SCAPER: variants seen among roughly 807,000 people sequenced by gnomAD.
SCAPER encodes S phase cyclin A-associated protein in the endoplasmic reticulum.
A neutral mutation model predicts 182.2 loss-of-function variants in SCAPER; 98 were observed. That is an observed-to-expected ratio of 0.54 (90% confidence interval 0.46 to 0.64). The LOEUF is 0.64. SCAPER is among the 30% of genes least tolerant of loss of function. The pLI is 0.00. For synonymous variants in SCAPER, 605 were observed against 564.6 expected (o/e 1.07, Z -1.01); for missense variants, 1,432 against 1,690.0 (o/e 0.85, Z 2.68).
At chr15:76,706,785 T>C (rs2059284675) in intron 17 of SCAPER, among the ~76,000 whole-genome samples, 2 of 151,444 alleles carry the variant, frequency 1.3e-5, no homozygotes, top group South Asian at 4.2e-4. Flanking sequence ...TACATACCAC[T>C]CCCCTCATGT....
intron 23 of SCAPER, among the ~76,000 whole-genome samples, chr15:76,509,684 A>G (rs2041872377): frequency 6.6e-6 from 1 of 152,150 alleles, no homozygotes; most frequent in African/African-American, 2.4e-5. Flanking sequence ...ATTCCCATCA[A>G]AATGCTACCA....
At chr15:76,553,580 T>C (rs2045953311) in intron 23 of SCAPER, among the ~76,000 whole-genome samples, 1 of 152,102 alleles carries the variant, frequency 6.6e-6, no homozygotes, top group Admixed American at 6.5e-5. Flanking sequence ...CCCGATGGAA[T>C]ACTGGGGCCA....
intron 2 of SCAPER, among the ~76,000 whole-genome samples, chr15:76,871,007 C>G (rs1181728174): frequency 6.6e-6 from 1 of 152,070 alleles, no homozygotes; most frequent in African/African-American, 2.4e-5. Flanking sequence ...AAGAATAAAA[C>G]TGACAAGTGA....
At chr15:76,818,361 G>C in intron 5 of SCAPER, among the ~76,000 whole-genome samples, 1 of 152,130 alleles carries the variant, frequency 6.6e-6, no homozygotes, top group East Asian at 1.9e-4. Flanking sequence ...ATAACTTGCA[G>C]GGAAAAAACC....
At chr15:76,366,372 C>A (rs1355078060) in intron 29 of SCAPER, among the ~76,000 whole-genome samples, 2 of 152,150 alleles carry the variant, frequency 1.3e-5, no homozygotes, top group Non-Finnish European at 2.9e-5. Context: ...CTAATAGCTG[C>A]CAGACAGCAT....
At chr15:76,621,674 C>T in intron 22 of SCAPER, 90 bp downstream of exon 22, 1 of 1,044,062 alleles carries the variant, frequency 9.6e-7, no homozygotes, top group Non-Finnish European at 1.4e-6. Context: ...AATCAAAGAA[C>T]CTTATTACAG....
chr15:76,825,727 CAAG>C, intron 5 of SCAPER, among the ~76,000 whole-genome samples: 1 of 152,086 alleles, frequency 6.6e-6, no homozygotes, highest in African/African-American at 2.4e-5. Flanking sequence ...GTCTGGGCAC[CAAG>C]AAGATCTGTT....
chr15:76,864,701 T>C (rs2072138677), intron 2 of SCAPER, among the ~76,000 whole-genome samples: 1 of 152,176 alleles, frequency 6.6e-6, no homozygotes, highest in Non-Finnish European at 1.5e-5. Flanking sequence ...ATAATTTTTT[T>C]TTTTTTATTT....
At chr15:76,832,673 G>A (rs984199436) in intron 5 of SCAPER, among the ~76,000 whole-genome samples, 18 of 152,080 alleles carry the variant, frequency 1.2e-4, no homozygotes, top group Admixed American at 3.3e-4. Context: ...CTTTATGAAC[G>A]GCTTAGCACC....
chr15:76,564,060 T>C (rs929295987), intron 23 of SCAPER, among the ~76,000 whole-genome samples: 5 of 152,094 alleles, frequency 3.3e-5, no homozygotes, highest in Admixed American at 6.6e-5. Context: ...GCCAACATCA[T>C]ACTGACTGGG....
chr15:76,621,809 A>G lies in SCAPER; in HGVS notation c.2666T>C (p.Leu889Ser). 1 of 1,606,980 alleles carries G rather than the reference A, an allele frequency of 6.2e-7. No homozygotes were observed. Among genetic ancestry groups the G allele is most frequent in the South Asian group, 1.1e-5 (1 of 89,408 alleles). Residue 889 changes from leucine (L) to serine (S), a missense_variant, in exon 22 of 32, where the codon TTA (leucine) becomes TCA (serine). Leu to Ser is a moderately radical substitution (Grantham distance 145, BLOSUM62 -2). This residue lies in a region of SCAPER where 718 missense variants were observed against 799.7 expected (regional missense o/e 0.90). Coordinates refer to ENST00000563290, the MANE Select transcript of SCAPER (RefSeq NM_020843.4). The stretch of plus-strand genomic sequence containing the variant: ...AGAGCCAGAATTTTTGGTTTCCATT[A>G]AACTCTCATATTCCTTAGCCCTGAA... Reference protein sequence around the residue: ...MNFRAKEYESLMETKNSGSDS... With the variant: ...MNFRAKEYESSMETKNSGSDS...
chr15:76,653,303 C>T (rs1267544734), intron 21 of SCAPER, among the ~76,000 whole-genome samples: 1 of 152,110 alleles, frequency 6.6e-6, no homozygotes, highest in Non-Finnish European at 1.5e-5. Flanking sequence ...AAGCAATTTA[C>T]AGATATAATG....
In SCAPER at chr15:76,800,504, G is replaced by A. The variant is rs1409284074; in HGVS notation, c.495-140C>T. ...ACAAAAAGTCACAACATGTGCAAATGTTCCCCTAGAGCATTGCTTACCAGA... is the reference window on the plus strand; with the variant it reads ...ACAAAAAGTCACAACATGTGCAAATATTCCCCTAGAGCATTGCTTACCAGA... On this transcript the variant is annotated intron_variant, in intron 6 of 31. Coordinates refer to ENST00000563290, the MANE Select transcript of SCAPER (RefSeq NM_020843.4). 1.4e-5 allele frequency: 9 copies of A among 655,394 alleles called. No homozygotes were observed. In the African/African-American group the frequency reaches 1.5e-4, roughly 11 times the overall value. The allele number at this position is 655,394 out of a possible 1,614,324, so 40.6% of individuals were successfully genotyped here. A position where few individuals can be genotyped will look rare whatever the true frequency, so the allele number is the denominator to read the frequency against.
intron 29 of SCAPER, among the ~76,000 whole-genome samples, chr15:76,363,630 A>C (rs2041602501): frequency 6.6e-6 from 1 of 152,250 alleles, no homozygotes; most frequent in Non-Finnish European, 1.5e-5. Flanking sequence ...TTTATGCCTA[A>C]GAATTCTTGT....
At chr15:76,729,507 T>G (rs914447750) in intron 16 of SCAPER, among the ~76,000 whole-genome samples, 5 of 152,050 alleles carry the variant, frequency 3.3e-5, no homozygotes, top group African/African-American at 7.2e-5. Context: ...GCTTTCATGA[T>G]GGAATTAAGT....
intron 24 of SCAPER, among the ~76,000 whole-genome samples, chr15:76,497,505 G>A (rs1447304192): frequency 6.6e-6 from 1 of 151,936 alleles, no homozygotes; most frequent in Admixed American, 6.6e-5. Flanking sequence ...AAAAAAGAAG[G>A]ACACAACAAA....
At chr15:76,649,028 C>A (rs1407508000) in intron 21 of SCAPER, among the ~76,000 whole-genome samples, 2 of 152,200 alleles carry the variant, frequency 1.3e-5, no homozygotes, top group Non-Finnish European at 2.9e-5. Flanking sequence ...ACCGCCTCCT[C>A]AAGCTTGTCA....
chr15:76,376,885 C>A (rs560822632), intron 28 of SCAPER, among the ~76,000 whole-genome samples: 1 of 152,154 alleles, frequency 6.6e-6, no homozygotes. Flanking sequence ...ACCATGAAAT[C>A]CCTCAGCTAT....
At chr15:76,904,819 G>A (rs2074973249) in intron 1 of SCAPER, 2 of 152,320 alleles carry the variant, frequency 1.3e-5, no homozygotes, top group African/African-American at 4.8e-5. Flanking sequence ...GGAAAGCATG[G>A]TAAACCCCGC....
Sources: gnomAD v4.1 joint callset for allele counts (sites outside exome capture counted in the v4.1 genomes callset) on GRCh38, gnomAD v4.1.1 for gene constraint, gnomAD v4.1.1 regional missense constraint, MANE v1.5 for transcripts, NCBI Gene and HGNC (gene_info 2026-07-23, HGNC 2026-07-21) for gene names.